Variants in C4orf36 observed in about 807,000 individuals in gnomAD.
The protein encoded by C4orf36 is chromosome 4 open reading frame 36, also known as uncharacterized protein C4orf36.
Under a neutral mutation model 12.2 loss-of-function variants are expected in C4orf36, and 11 were observed. That is an observed-to-expected ratio of 0.90 (90% CI 0.57 to 1.49). C4orf36 has a LOEUF of 1.49. Among genes scored for constraint, C4orf36 ranks in the 40% most tolerant of loss-of-function variants. The pLI, the probability that C4orf36 is intolerant of heterozygous loss-of-function variation, is 0.00. For synonymous variants in C4orf36, 54 were observed against 51.3 expected (o/e 1.05, Z -0.22); for missense variants, 137 against 133.9 (o/e 1.02, Z -0.11).
chr4:86,880,808 G>A (rs920804941), intron 4 of C4orf36, among the ~76,000 whole-genome samples: 8 of 152,116 alleles, frequency 5.3e-5, no homozygotes, highest in East Asian at 1.9e-4. Context: ...TTGGGAGGCT[G>A]AGGCAGGCAG....
chr4:86,886,027 C>A (rs1747170365), intron 4 of C4orf36, among the ~76,000 whole-genome samples: 1 of 152,176 alleles, frequency 6.6e-6, no homozygotes, highest in Admixed American at 6.5e-5. Context: ...GTTGAACCAG[C>A]CTTGCATCCC....
chr4:86,915,188 G>A, the C4orf36 span, among the ~76,000 whole-genome samples: 1 of 152,064 alleles, frequency 6.6e-6, no homozygotes, highest in African/African-American at 2.4e-5. Flanking sequence ...TGTTCTCTGA[G>A]CTGCCCCCCT....
At chr4:86,880,344 A>G (rs1322074784) in intron 4 of C4orf36, among the ~76,000 whole-genome samples, 1 of 152,138 alleles carries the variant, frequency 6.6e-6, no homozygotes, top group East Asian at 1.9e-4. Flanking sequence ...TGGTGGTGCT[A>G]CTTGGGAGCA....
At chr4:86,926,543 T>C in the C4orf36 span, among the ~76,000 whole-genome samples, 1 of 152,206 alleles carries the variant, frequency 6.6e-6, no homozygotes, top group East Asian at 1.9e-4. Flanking sequence ...TTCCAGGGAA[T>C]AGGCTGCAGG....
the C4orf36 span, among the ~76,000 whole-genome samples, chr4:86,901,505 T>A: frequency 4.6e-5 from 7 of 151,816 alleles, no homozygotes; most frequent in African/African-American, 1.7e-4. Context: ...CCTCTCAGGT[T>A]CACACTGTTT....
At chr4:86,902,438 A>AG in the C4orf36 span, among the ~76,000 whole-genome samples, 1 of 150,390 alleles carries the variant, frequency 6.6e-6, no homozygotes, top group African/African-American at 2.5e-5. Context: ...AAAAAAAAAA[A>AG]AAAAGAAAGA....
the C4orf36 span, among the ~76,000 whole-genome samples, chr4:86,899,182 G>A: frequency 2.0e-5 from 3 of 151,962 alleles, no homozygotes; most frequent in African/African-American, 7.3e-5. Context: ...TTGTCTGCTC[G>A]CTCCTCTAAA....
At chr4:86,902,393 A>G in the C4orf36 span, among the ~76,000 whole-genome samples, 1 of 137,100 alleles carries the variant, frequency 7.3e-6, no homozygotes, top group African/African-American at 2.8e-5. Context: ...CTGCAACTCC[A>G]ACCTGGGCAA....
chr4:86,894,810 T>C (rs1747554839), upstream of C4orf36, among the ~76,000 whole-genome samples: 3 of 152,268 alleles, frequency 2.0e-5, no homozygotes, highest in East Asian at 3.9e-4. Context: ...AGCTGCCTTA[T>C]GGAGAAATTC....
At chr4:86,900,585 C>T in the C4orf36 span, among the ~76,000 whole-genome samples, 1 of 152,136 alleles carries the variant, frequency 6.6e-6, no homozygotes, top group Non-Finnish European at 1.5e-5. Flanking sequence ...ACAAAAAGGC[C>T]AGACCCCTCT....
the C4orf36 span, chr4:86,913,151 T>A: frequency 8.9e-6 from 3 of 336,300 alleles, no homozygotes; most frequent in African/African-American, 6.5e-5. Flanking sequence ...GCGTGATATA[T>A]GTTCTCAGTG....
At chr4:86,888,424 G>A in intron 2 of C4orf36, 149 bp from the exon 3 acceptor site, 2 of 665,934 alleles carry the variant, frequency 3.0e-6, no homozygotes, top group Non-Finnish European at 2.5e-6. Flanking sequence ...TTCCAGAGTT[G>A]TAGTTCCAGA....
chr4:86,885,529 G>C (rs1304159673), intron 4 of C4orf36, among the ~76,000 whole-genome samples: 2 of 152,172 alleles, frequency 1.3e-5, no homozygotes, highest in African/African-American at 4.8e-5. Context: ...GAATGCTTGT[G>C]ATTTTTGCAC....
chr4:86,914,861 T>C, the C4orf36 span: 2 of 409,238 alleles, frequency 4.9e-6, no homozygotes. Context: ...GTCGGGGGAG[T>C]CCGGACGGGC....
intron 3 of C4orf36, 109 bp downstream of exon 3, chr4:86,888,012 C>T: frequency 6.5e-7 from 1 of 1,539,618 alleles, no homozygotes; most frequent in Non-Finnish European, 8.8e-7. Flanking sequence ...GATGACAGAG[C>T]TACAAAGATA....
At chr4:86,879,935 C>T (rs1255486600) in intron 4 of C4orf36, among the ~76,000 whole-genome samples, 1 of 151,592 alleles carries the variant, frequency 6.6e-6, no homozygotes, top group Non-Finnish European at 1.5e-5. Flanking sequence ...ACTGCAGCCT[C>T]GAACTCCTGG....
At chr4:86,905,170 T>A in the C4orf36 span, among the ~76,000 whole-genome samples, 2 of 150,798 alleles carry the variant, frequency 1.3e-5, no homozygotes, top group Admixed American at 6.6e-5. Context: ...GTCAGGAGTT[T>A]GAGACCAGCC....
chr4:86,926,965 A>T, the C4orf36 span, among the ~76,000 whole-genome samples: 1 of 152,350 alleles, frequency 6.6e-6, no homozygotes, highest in South Asian at 2.1e-4. Flanking sequence ...TGGAATAATC[A>T]TATTCATTCT....
chr4:86,928,520 A>C, the C4orf36 span, among the ~76,000 whole-genome samples: 4 of 152,196 alleles, frequency 2.6e-5, no homozygotes, highest in Non-Finnish European at 4.4e-5. Flanking sequence ...CCGTGACTGA[A>C]GGCAGAGTAG....
Sources: gnomAD v4.1 joint callset for allele counts (sites outside exome capture counted in the v4.1 genomes callset) on GRCh38, gnomAD v4.1.1 for gene constraint, MANE v1.5 for transcripts, NCBI Gene and HGNC (gene_info 2026-07-23, HGNC 2026-07-21) for gene names.